Variants in TMEM164 observed in about 807,000 individuals in gnomAD.
The protein encoded by TMEM164 is RP13-360B22.2.
A neutral mutation model predicts 18.8 loss-of-function variants in TMEM164; 4 were observed. That is an observed-to-expected ratio of 0.21 (90% CI 0.10 to 0.49). The LOEUF (loss-of-function observed/expected upper bound fraction) is 0.49. Among genes scored for constraint, TMEM164 ranks in the 20% least tolerant of loss-of-function variants. The probability of loss-of-function intolerance (pLI) is 0.98; values close to 1 mark genes in which losing one functional copy is unlikely to be tolerated. For missense variants in TMEM164, 108 were observed against 239.9 expected (o/e 0.45, Z 3.63); for synonymous variants, 86 against 101.7 (o/e 0.85, Z 0.93).
downstream of TMEM164, among the ~76,000 whole-genome samples, chrX:110,182,129 A>G (rs906674800): frequency 1.7e-4 from 19 of 111,727 alleles, no homozygotes; most frequent in Admixed American, 1.6e-3. Context: ...AAAATAACAG[A>G]CATCTTATAA....
At chrX:110,015,513 T>C (rs745481651) in intron 2 of TMEM164, among the ~76,000 whole-genome samples, 3 of 110,928 alleles carry the variant, frequency 2.7e-5, no homozygotes, top group Non-Finnish European at 5.7e-5. Context: ...TGGTTTGCAT[T>C]TGTTAAGAGT....
At chrX:110,084,815 A>G (rs2065827471) in intron 3 of TMEM164, among the ~76,000 whole-genome samples, 1 of 109,362 alleles carries the variant, frequency 9.1e-6, no homozygotes, top group Admixed American at 1.0e-4. Context: ...TGCTTGGGAG[A>G]GCCTCAGATT....
At position 110,140,701 on chromosome X, in the gene TMEM164, G is replaced by A. The variant is rs915534171; in HGVS notation, c.508-4097G>A. ...GAGAAGGTAGTTAATGACCTGTGTT[G>A]CTTAAAGCATTTTTATTACTTTTGA... On this transcript the variant is annotated intron_variant, in intron 4 of 6. Transcript: ENST00000372068. 7.1e-5 allele frequency among the ~76,000 whole-genome samples: 8 copies of A among 112,453 alleles called. 1 individual carries two copies. In the Admixed American group the frequency reaches 7.5e-4, roughly 11 times the overall value.
rs149957939 is a variant in TMEM164 at position 110,156,552 on chromosome X, C to T, written c.586+11676C>T. ...AGAGTATCATTAACTGAGAAGAGGG[C>T]GCAGAAGGAAGGAGCATGTTTTAGA... is the stretch of plus-strand genomic sequence containing the variant. On this transcript the variant is annotated intron_variant, in intron 5 of 6. Coordinates refer to ENST00000372068, the MANE Select transcript of TMEM164 (RefSeq NM_032227.4). 7.4e-3 allele frequency among the ~76,000 whole-genome samples: 824 copies of T among 111,098 alleles called. 8 individuals carry two copies. Among genetic ancestry groups the T allele is most frequent in the African/African-American group, 0.025 (778 of 30,542 alleles).
rs768975436 is a variant in TMEM164 at position 110,049,753 on chromosome X, G to A, written c.391-17594G>A. Reference sequence around the variant, plus strand: ...TGTAGACCCCTGGAGAAGAGGGAAAGCAGTGCTTTTCCATGTGTAAGCTTG... The same window carrying A: ...TGTAGACCCCTGGAGAAGAGGGAAAACAGTGCTTTTCCATGTGTAAGCTTG... On this transcript the variant is annotated intron_variant, in intron 2 of 6. Coordinates refer to ENST00000372068, the MANE Select transcript of TMEM164 (RefSeq NM_032227.4). Among the ~76,000 whole-genome samples the A allele has an allele frequency of 4.2e-4, 47 of 111,883 alleles. 2 individuals are homozygous for A. The highest frequency in any genetic ancestry group is 1.7e-4 in the Non-Finnish European group (9 of 53,121).
chrX:110,055,684 G>A (rs1185460930), intron 2 of TMEM164, among the ~76,000 whole-genome samples: 2 of 111,854 alleles, frequency 1.8e-5, no homozygotes, highest in African/African-American at 6.5e-5. Flanking sequence ...TTGAAGAACA[G>A]GGAGGGGTTT....
At chrX:110,178,973 G>A (rs2067312495), downstream of TMEM164, among the ~76,000 whole-genome samples, 1 of 111,951 alleles carries the variant, frequency 8.9e-6, no homozygotes, top group Admixed American at 9.4e-5. Flanking sequence ...CCCTTGCCCA[G>A]GGACCCCTGG....
At chrX:110,084,398 G>GTATATATATATAGTATA in intron 3 of TMEM164, among the ~76,000 whole-genome samples, 1 of 9,471 alleles carries the variant, frequency 1.1e-4, no homozygotes, top group Non-Finnish European at 2.1e-4. Context: ...ATATAGTATA[G>GTATATATATATAGTATA]TATATATATA....
chrX:110,095,709 G>C (rs142532943), intron 3 of TMEM164, among the ~76,000 whole-genome samples: 5,796 of 112,356 alleles, frequency 0.052, 174 homozygotes, highest in Non-Finnish European at 0.076. Context: ...TCTCCATCCA[G>C]CTTTGTTCCA....
At chrX:110,067,244 G>A in intron 2 of TMEM164, 103 bp from the exon 3 acceptor site, 1 of 816,263 alleles carries the variant, frequency 1.2e-6, no homozygotes, top group Non-Finnish European at 1.8e-6. Context: ...TTACATTATT[G>A]TGTTAGAGTT....
At chrX:110,134,641 C>T (rs898273128) in intron 4 of TMEM164, among the ~76,000 whole-genome samples, 38 of 101,300 alleles carry the variant, frequency 3.8e-4, no homozygotes, top group African/African-American at 1.4e-3. Flanking sequence ...CCATGTCAGA[C>T]GATGAAAATT....
chrX:110,081,574 C>T (rs1430125285), intron 3 of TMEM164, among the ~76,000 whole-genome samples: 4 of 112,224 alleles, frequency 3.6e-5, no homozygotes, highest in Admixed American at 1.9e-4. Flanking sequence ...CACTCCAGAG[C>T]CCATGCTGCT....
Position 110,177,055 on chromosome X carries a change from A to AT in TMEM164, c.*3605dup, listed in dbSNP as rs2067298285. On this transcript the variant is annotated 3_prime_UTR_variant, in exon 7 of 7. Coordinates refer to ENST00000372068, the MANE Select transcript of TMEM164 (RefSeq NM_032227.4). Reference sequence around the variant, plus strand: ...GGGAGGCAGCCCTCCTTTTGTGTATATAGAGTGAGCTGATTTGGGCTCAGG... The same window carrying AT: ...GGGAGGCAGCCCTCCTTTTGTGTATATTAGAGTGAGCTGATTTGGGCTCAGG... 9.0e-6 allele frequency: 1 copy of AT among 111,278 alleles called. No homozygotes were observed. The highest frequency in any genetic ancestry group is 1.9e-5 in the Non-Finnish European group (1 of 52,929). 9.2% of individuals were successfully genotyped at this position (111,278 alleles called of 1,213,427 possible).
At chrX:110,144,509 C>A (rs1372015441) in intron 4 of TMEM164, among the ~76,000 whole-genome samples, 1 of 111,510 alleles carries the variant, frequency 9.0e-6, no homozygotes, top group African/African-American at 3.3e-5. Context: ...GGGAAACCAC[C>A]AAGGGGATAT....
At chrX:110,020,268 T>G (rs1434135019) in intron 2 of TMEM164, 1 of 520,978 alleles carries the variant, frequency 1.9e-6, no homozygotes, top group Non-Finnish European at 2.3e-6. Context: ...TTAAGTCTAG[T>G]CCAATCCCTT....
intron 2 of TMEM164, among the ~76,000 whole-genome samples, chrX:110,059,562 A>G (rs1936014641): frequency 8.9e-6 from 1 of 111,977 alleles, no homozygotes; most frequent in African/African-American, 3.3e-5. Flanking sequence ...AAAACTTTCA[A>G]GGAGGAGTGT....
intron 2 of TMEM164, among the ~76,000 whole-genome samples, chrX:110,052,909 C>T (rs1009168778): frequency 1.8e-5 from 2 of 110,016 alleles, no homozygotes; most frequent in Non-Finnish European, 3.8e-5. Context: ...CACCACCATG[C>T]CCAGCTAATT....
rs1448176118 is a variant in TMEM164, at chrX:110,156,981, G to A, written c.586+12105G>A. On this transcript the variant is annotated intron_variant, in intron 5 of 6. Transcript: ENST00000372068. Reference sequence around the variant, plus strand: ...TTACTTGAGTTTGAGGTGCTTATAGGCTATCTAGGTTGAGATGCCCAGGAA... The same window carrying A: ...TTACTTGAGTTTGAGGTGCTTATAGACTATCTAGGTTGAGATGCCCAGGAA... Among the ~76,000 whole-genome samples, 4 of 111,945 alleles carry A rather than the reference G, an allele frequency of 3.6e-5. No homozygotes were observed. The South Asian group carries it at 1.1e-3, about 31-fold the overall frequency.
intron 2 of TMEM164, among the ~76,000 whole-genome samples, chrX:110,025,960 TTA>T (rs1227085829): frequency 2.7e-5 from 3 of 112,836 alleles, no homozygotes; most frequent in African/African-American, 9.7e-5. Flanking sequence ...ATCACTGTCA[TTA>T]TGTTTTTCAT....
Sources: gnomAD v4.1 joint callset for allele counts (sites outside exome capture counted in the v4.1 genomes callset) on GRCh38, gnomAD v4.1.1 for gene constraint, MANE v1.5 for transcripts, NCBI Gene and HGNC (gene_info 2026-07-23, HGNC 2026-07-21) for gene names.